Variants in PEX3 observed in about 807,000 individuals in gnomAD.
PEX3 encodes the protein peroxin-3.
A neutral mutation model predicts 55.8 loss-of-function variants in PEX3; 30 were observed. That is an observed-to-expected ratio of 0.54 (90% CI 0.40 to 0.73). The LOEUF (loss-of-function observed/expected upper bound fraction) is 0.73. Ranked by LOEUF, PEX3 falls within the 30% of genes least tolerant of loss-of-function variation. The pLI is 0.00. For synonymous variants in PEX3, 135 were observed against 148.4 expected, an observed-to-expected ratio of 0.91 and a Z score of 0.66; for missense variants, 351 against 432.8, an observed-to-expected ratio of 0.81 and a Z score of 1.68.
chr6:143,477,154 A>G (rs1466011928), intron 9 of PEX3, among the ~76,000 whole-genome samples: 1 of 152,184 alleles, frequency 6.6e-6, no homozygotes, highest in Non-Finnish European at 1.5e-5. Flanking sequence ...GCTAATTCAA[A>G]AGAATTAGAG....
chr6:143,471,473 T>C lies in PEX3; in HGVS notation c.523+24T>C, dbSNP rs1780073139. Reference sequence around the variant, plus strand: ...TGGTAAGATTCTTATTTGTGACTTTTATACTAATTTTAATTCATTTATTTT... The same window carrying C: ...TGGTAAGATTCTTATTTGTGACTTTCATACTAATTTTAATTCATTTATTTT... On this transcript the variant is annotated intron_variant, in intron 6 of 11. Coordinates refer to ENST00000367591, the MANE Select transcript of PEX3 (RefSeq NM_003630.3). This position sits in a 1 kb window ranked among gnomAD's most constrained non-coding sequence, Gnocchi z 5.4. 6.4e-7 allele frequency: 1 copy of C among 1,568,080 alleles called. No individual in the cohort carries two copies. The highest frequency in any genetic ancestry group is 1.4e-5 in the African/African-American group (1 of 73,956).
rs1308810453 is a variant in PEX3 at position 143,465,868 on chromosome 6, A to C, written c.288-2254A>C. ...AGCTAGTAGTATCTTTAAAATTGTAATAGTAACTCAATTTCTTGTTGGAAT... is the reference window on the plus strand; with the variant it reads ...AGCTAGTAGTATCTTTAAAATTGTACTAGTAACTCAATTTCTTGTTGGAAT... On this transcript the variant is annotated intron_variant, in intron 3 of 11. Transcript: ENST00000367591. The surrounding 1 kb of genome is among the most constrained non-coding windows in gnomAD (Gnocchi z 4.7). 6.6e-6 allele frequency among the ~76,000 whole-genome samples: 1 copy of C among 152,096 alleles called. No individual in the cohort carries two copies. The highest frequency in any genetic ancestry group is 1.5e-5 in the Non-Finnish European group (1 of 67,930).
chr6:143,468,253 C>T, intron 4 of PEX3, 88 bp downstream of exon 4: 4 of 865,416 alleles, frequency 4.6e-6, no homozygotes, highest in Admixed American at 3.8e-5. Context: ...CTCTTCTTTA[C>T]CTGCCTTTTA....
intron 4 of PEX3, among the ~76,000 whole-genome samples, chr6:143,468,916 ATG>A (rs1780032302): frequency 6.7e-6 from 1 of 148,918 alleles, no homozygotes. Context: ...GAGTGAGAAC[ATG>A]TGGTGTTTGG....
Position 143,472,254 on chromosome 6 carries a change from A to G in PEX3, c.673A>G (p.Ile225Val), listed in dbSNP as rs778180328. 1 of 1,607,894 alleles carries G rather than the reference A, an allele frequency of 6.2e-7. No homozygotes were observed. Among genetic ancestry groups the G allele is most frequent in the Non-Finnish European group, 8.5e-7 (1 of 1,174,626 alleles). The change falls in exon 8 of 12, where the codon ATT becomes GTT. Residue 225 changes from isoleucine to valine, a missense_variant. Transcript: ENST00000367591. ...TGAGCAGCATAAGTCTTCTTCTTGG[A>G]TTAATAAAGATGGATCCAAACCTTT... is the stretch of plus-strand genomic sequence containing the variant. ...LVEQHKSSSWINKDGSKPLLC... is the reference protein window; with the variant it reads ...LVEQHKSSSWVNKDGSKPLLC...
chr6:143,467,978 C>A, intron 3 of PEX3, 144 bp from the exon 4 acceptor site: 1 of 530,144 alleles, frequency 1.9e-6, no homozygotes, highest in Non-Finnish European at 3.3e-6. Flanking sequence ...TTTTTTTTAC[C>A]GTATTTTGTG....
chr6:143,488,682 T>A lies in PEX3; in HGVS notation c.1039-461T>A, dbSNP rs182716781. Among the ~76,000 whole-genome samples the A allele has an allele frequency of 1.3e-5, 2 of 152,254 alleles. No individual in the cohort carries two copies. The highest frequency in any genetic ancestry group is 1.3e-4 in the Admixed American group (2 of 15,280). On this transcript the variant is annotated intron_variant, in intron 11 of 11. Coordinates refer to ENST00000367591, the MANE Select transcript of PEX3 (RefSeq NM_003630.3). The surrounding 1 kb of genome is among the most constrained non-coding windows in gnomAD (Gnocchi z 4.9). ...AATCCCTTGGGGTGTTAATAACCCT[T>A]ACACTATAGTGTATATGTGTGGTTC...
In PEX3 at chr6:143,454,688, G is replaced by A. The variant is rs1779818597; in HGVS notation, c.73+3573G>A. Among the ~76,000 whole-genome samples, 1 of 152,204 alleles carries A rather than the reference G, an allele frequency of 6.6e-6. No individual in the cohort carries two copies. Among genetic ancestry groups the A allele is most frequent in the Non-Finnish European group, 1.5e-5 (1 of 68,040 alleles). On this transcript the variant is annotated intron_variant, in intron 1 of 11. Transcript: ENST00000367591. This position sits in a 1 kb window ranked among gnomAD's most constrained non-coding sequence, Gnocchi z 4.3. ...ACAAAAATAGAGCAGGGTGTTGTGG[G>A]AGCATTGATGAGAAGAAAGTGTGAA...
chr6:143,474,172 GGGTGC>G (rs1780116574), intron 8 of PEX3, among the ~76,000 whole-genome samples: 1 of 151,734 alleles, frequency 6.6e-6, no homozygotes, highest in African/African-American at 2.4e-5. Flanking sequence ...AAAAAAGGCC[GGGTGC>G]GGTGGTGCAC....
intron 1 of PEX3, among the ~76,000 whole-genome samples, chr6:143,456,424 A>C (rs951100833): frequency 1.3e-5 from 2 of 152,238 alleles, no homozygotes; most frequent in Non-Finnish European, 2.9e-5. Flanking sequence ...CAGTGCTAAA[A>C]TCAAGAAAAA....
In PEX3 at chr6:143,451,583, G is replaced by T. The variant is rs1451559901; in HGVS notation, c.73+468G>T. On this transcript the variant is annotated intron_variant, in intron 1 of 11. Transcript: ENST00000367591. This position sits in a 1 kb window ranked among gnomAD's most constrained non-coding sequence, Gnocchi z 4.1. The stretch of plus-strand genomic sequence containing the variant: ...GTGGTTAAAGTCGATTTGAATTTTT[G>T]AAAACAGCGCAGTTGTCCTAAAGGA... Among the ~76,000 whole-genome samples the T allele has an allele frequency of 6.6e-6, 1 of 152,122 alleles. No individual in the cohort carries two copies. The highest frequency in any genetic ancestry group is 1.5e-5 in the Non-Finnish European group (1 of 68,028).
At chr6:143,474,618 A>G (rs1780125807) in intron 8 of PEX3, among the ~76,000 whole-genome samples, 168 bp from the exon 9 acceptor site, 1 of 152,234 alleles carries the variant, frequency 6.6e-6, no homozygotes, top group Non-Finnish European at 1.5e-5. Context: ...ATTTGCACAC[A>G]TAAACCATTA....
Position 143,479,966 on chromosome 6 carries a change from A to G in PEX3, c.941+768A>G, listed in dbSNP as rs982361289. Among the ~76,000 whole-genome samples the G allele has an allele frequency of 6.6e-6, 1 of 150,632 alleles. No homozygotes were observed. Among genetic ancestry groups the G allele is most frequent in the African/African-American group, 2.4e-5 (1 of 41,106 alleles). On this transcript the variant is annotated intron_variant, in intron 10 of 11. Coordinates refer to ENST00000367591, the MANE Select transcript of PEX3 (RefSeq NM_003630.3). This position sits in a 1 kb window ranked among gnomAD's most constrained non-coding sequence, Gnocchi z 4.6. ...ACACATCCTTTGAAGTAGCTTTAAA[A>G]TTTTTTTTTTAATTGGGGACACAGT...
chr6:143,480,954 A>G (rs986306178), intron 10 of PEX3, among the ~76,000 whole-genome samples: 8 of 152,078 alleles, frequency 5.3e-5, no homozygotes, highest in African/African-American at 1.2e-4. Context: ...CAAGGCTGCA[A>G]TGAGCTGTGA....
In PEX3 at chr6:143,475,080, G is replaced by T. The variant is rs1240254518; in HGVS notation, c.818+224G>T. Among the ~76,000 whole-genome samples the T allele has an allele frequency of 6.6e-6, 1 of 152,074 alleles. No homozygotes were observed. The highest frequency in any genetic ancestry group is 2.4e-5 in the African/African-American group (1 of 41,406). On this transcript the variant is annotated intron_variant, in intron 9 of 11. Coordinates refer to ENST00000367591, the MANE Select transcript of PEX3 (RefSeq NM_003630.3). The surrounding 1 kb of genome is among the most constrained non-coding windows in gnomAD (Gnocchi z 4.4). ...TAACTCTACTATCTGAATTCATCGA[G>T]TTCCAGTCTTTTGTTTTTCCTCAGT...
In PEX3 at chr6:143,489,068, C is replaced by T. The variant is rs1002091580; in HGVS notation, c.1039-75C>T. On this transcript the variant is annotated intron_variant, in intron 11 of 11. Transcript: ENST00000367591. This position sits in a 1 kb window ranked among gnomAD's most constrained non-coding sequence, Gnocchi z 5.5. ...CCACAAAACTTAGAGCTGAATTCATCGCTTGATTGCAGAAATTAATTCAAA... is the reference window on the plus strand; with the variant it reads ...CCACAAAACTTAGAGCTGAATTCATTGCTTGATTGCAGAAATTAATTCAAA... The T allele has an allele frequency of 6.1e-6, 6 of 979,742 alleles. No homozygotes were observed. In the African/African-American group the frequency reaches 6.4e-5, roughly 10 times the overall value. 60.7% of individuals were successfully genotyped at this position (979,742 alleles called of 1,614,324 possible).
At position 143,458,901 on chromosome 6, in the gene PEX3, T is replaced by C. The variant is rs568251163; in HGVS notation, c.74-184T>C. ...TATGTGCCCATCATTTCCTCTGTCA[T>C]TGGCTGTAAAAATGCTAATTTCCTT... On this transcript the variant is annotated intron_variant, in intron 1 of 11. Coordinates refer to ENST00000367591, the MANE Select transcript of PEX3 (RefSeq NM_003630.3). This position sits in a 1 kb window ranked among gnomAD's most constrained non-coding sequence, Gnocchi z 6.1. 1.8e-4 allele frequency among the ~76,000 whole-genome samples: 28 copies of C among 152,336 alleles called. No homozygotes were observed. The highest frequency in any genetic ancestry group is 2.9e-4 in the Non-Finnish European group (20 of 68,012).
intron 4 of PEX3, among the ~76,000 whole-genome samples, chr6:143,470,172 T>C (rs1780053085): frequency 6.6e-6 from 1 of 152,132 alleles, no homozygotes; most frequent in Non-Finnish European, 1.5e-5. Context: ...ATGGTCTCAA[T>C]CTCTTGACCT....
In PEX3 at chr6:143,476,964, A is replaced by G. The variant is rs561903201; in HGVS notation, c.818+2108A>G. Among the ~76,000 whole-genome samples, 122 of 152,310 alleles carry G rather than the reference A, an allele frequency of 8.0e-4. No individual in the cohort carries two copies. The highest frequency in any genetic ancestry group is 1.4e-3 in the Non-Finnish European group (97 of 68,014). ...ACTGAGTAGGAGCTGCCAGCGAAAG[A>G]AAAGAAACACCAAAAGAATGAGGTA... On this transcript the variant is annotated intron_variant, in intron 9 of 11. Transcript: ENST00000367591. This position sits in a 1 kb window ranked among gnomAD's most constrained non-coding sequence, Gnocchi z 5.4.
Sources: allele counts gnomAD v4.1 joint callset (sites outside exome capture counted in the v4.1 genomes callset), GRCh38; gene constraint gnomAD v4.1.1; non-coding constraint Gnocchi (gnomAD v3.1); transcripts MANE v1.5; gene names NCBI Gene and HGNC (gene_info 2026-07-23, HGNC 2026-07-21).